DHRS3: variants seen among roughly 807,000 people sequenced by gnomAD.
DHRS3 encodes the protein short-chain dehydrogenase/reductase 3.
Under a neutral mutation model 27.2 loss-of-function variants are expected in DHRS3, and 14 were observed. The observed-to-expected ratio is 0.52, with a 90% CI of 0.34 to 0.81. The LOEUF (loss-of-function observed/expected upper bound fraction) is 0.81, where lower values mean the gene tolerates loss of function less well. Ranked by LOEUF, DHRS3 falls within the 30% of genes least tolerant of loss-of-function variation. The pLI, the probability that DHRS3 is intolerant of heterozygous loss-of-function variation, is 0.01. For synonymous variants in DHRS3, 165 were observed against 175.9 expected, an observed-to-expected ratio of 0.94 and a Z score of 0.49; for missense variants, 322 against 406.2, an observed-to-expected ratio of 0.79 and a Z score of 1.78.
At chr1:12,603,918 C>T (rs927234388) in intron 1 of DHRS3, among the ~76,000 whole-genome samples, 1 of 152,194 alleles carries the variant, frequency 6.6e-6, no homozygotes, top group Non-Finnish European at 1.5e-5. Flanking sequence ...GATACCAGGG[C>T]GTTCCCTGCC....
chr1:12,572,986 A>C (rs1401680953), intron 4 of DHRS3, 133 bp from the exon 5 acceptor site: 2 of 1,138,892 alleles, frequency 1.8e-6, no homozygotes, highest in South Asian at 1.7e-5. Flanking sequence ...TGCTTGGAAT[A>C]CTCCCTCTAC....
intron 4 of DHRS3, among the ~76,000 whole-genome samples, chr1:12,576,541 G>A (rs1646590426): frequency 1.3e-5 from 2 of 150,552 alleles, no homozygotes; most frequent in African/African-American, 2.4e-5. Flanking sequence ...CAGCCTGGGC[G>A]ACAGAGCAAG....
rs779771705 is a variant in DHRS3 at position 12,591,432 on chromosome 1, T to C, written c.196-10766A>G. Among the ~76,000 whole-genome samples, 9 of 152,158 alleles carry C rather than the reference T, an allele frequency of 5.9e-5. No individual in the cohort carries two copies. Among genetic ancestry groups the C allele is most frequent in the African/African-American group, 1.2e-4 (5 of 41,438 alleles). On this transcript the variant is annotated intron_variant, in intron 1 of 5. Coordinates refer to ENST00000616661, the MANE Select transcript of DHRS3 (RefSeq NM_004753.7). This position sits in a 1 kb window ranked among gnomAD's most constrained non-coding sequence, Gnocchi z 4.1. ...CCGCTGGCTCAGCTGTTGGGGAGGA[T>C]TGTGATGAAGCTCCTCAAATTAGAT... is the stretch of plus-strand genomic sequence containing the variant.
chr1:12,571,286 A>G (rs1007921458), intron 5 of DHRS3, among the ~76,000 whole-genome samples: 2 of 152,130 alleles, frequency 1.3e-5, no homozygotes, highest in Non-Finnish European at 2.9e-5. Context: ...CTGGAGGAGG[A>G]GTCTCTCATT....
In DHRS3 at chr1:12,594,460, C is replaced by T. The variant is rs1454381382; in HGVS notation, c.196-13794G>A. Among the ~76,000 whole-genome samples, 1 of 152,162 alleles carries T rather than the reference C, an allele frequency of 6.6e-6. No individual in the cohort carries two copies. The highest frequency in any genetic ancestry group is 1.5e-5 in the Non-Finnish European group (1 of 68,048). On this transcript the variant is annotated intron_variant, in intron 1 of 5. Coordinates refer to ENST00000616661, the MANE Select transcript of DHRS3 (RefSeq NM_004753.7). The surrounding 1 kb of genome is among the most constrained non-coding windows in gnomAD (Gnocchi z 4.1). ...ACTGTATAGTAAGTAGTTTTCTAGCCACTAGAAAGTGCTAGATGTGCATGG... is the reference window on the plus strand; with the variant it reads ...ACTGTATAGTAAGTAGTTTTCTAGCTACTAGAAAGTGCTAGATGTGCATGG...
Position 12,593,392 on chromosome 1 carries a change from G to A in DHRS3, c.196-12726C>T, listed in dbSNP as rs149028962. ...TATGATTATTATTATTTGTAGAGAC[G>A]GGGGTATCACATTGTTGCCCAGGCT... On this transcript the variant is annotated intron_variant, in intron 1 of 5. Transcript: ENST00000616661. The surrounding 1 kb of genome is among the most constrained non-coding windows in gnomAD (Gnocchi z 4.6). Among the ~76,000 whole-genome samples the A allele has an allele frequency of 6.7e-3, 1,018 of 151,960 alleles. 7 individuals carry two copies. The highest frequency in any genetic ancestry group is 7.7e-3 in the Non-Finnish European group (525 of 67,968).
intron 1 of DHRS3, chr1:12,600,372 C>T (rs1050206816): frequency 3.2e-5 from 32 of 985,300 alleles, no homozygotes; most frequent in Non-Finnish European, 7.2e-6. Flanking sequence ...TTGTGTCTTG[C>T]CATCCCTTAA....
chr1:12,603,181 T>C (rs78819708), intron 1 of DHRS3, among the ~76,000 whole-genome samples: 1,974 of 152,188 alleles, frequency 0.013, 44 homozygotes, highest in African/African-American at 0.045. Context: ...TGGGTCCCTC[T>C]CCTGAGGGGC....
chr1:12,592,987 C>T lies in DHRS3; in HGVS notation c.196-12321G>A, dbSNP rs1387952337. 2.0e-5 allele frequency among the ~76,000 whole-genome samples: 3 copies of T among 152,212 alleles called. No individual in the cohort carries two copies. The highest frequency in any genetic ancestry group is 7.2e-5 in the African/African-American group (3 of 41,448). On this transcript the variant is annotated intron_variant, in intron 1 of 5. Coordinates refer to ENST00000616661, the MANE Select transcript of DHRS3 (RefSeq NM_004753.7). This position sits in a 1 kb window ranked among gnomAD's most constrained non-coding sequence, Gnocchi z 4.2. Reference sequence around the variant, plus strand: ...ACGGCGCCTTGGGGCCCTGCCTCAGCGCCCTTCACCTGGAGCACAAGTGGA... The same window carrying T: ...ACGGCGCCTTGGGGCCCTGCCTCAGTGCCCTTCACCTGGAGCACAAGTGGA...
intron 1 of DHRS3, among the ~76,000 whole-genome samples, chr1:12,590,769 G>T (rs1190743735): frequency 6.6e-6 from 1 of 152,190 alleles, no homozygotes. Context: ...CACCCATTGA[G>T]AGTGCTGGCC....
At chr1:12,596,337 G>GC (rs1455662435) in intron 1 of DHRS3, 2 of 152,234 alleles carry the variant, frequency 1.3e-5, no homozygotes, top group Non-Finnish European at 2.9e-5. Flanking sequence ...CGAGGGCTGG[G>GC]CCTCCGGGGT....
chr1:12,572,717 C>A lies in DHRS3; in HGVS notation c.824+11G>T. ...TCCCCTGACCCAGAGTGTTCTTTCC[C>A]AGCCCCATACCTTTTCAAGATAACG... On this transcript the variant is annotated intron_variant, in intron 5 of 5. Transcript: ENST00000616661. 6.3e-7 allele frequency: 1 copy of A among 1,582,438 alleles called. No homozygotes were observed. The highest frequency in any genetic ancestry group is 8.6e-7 in the Non-Finnish European group (1 of 1,163,554).
chr1:12,571,657 G>C (rs1168613135), intron 5 of DHRS3, among the ~76,000 whole-genome samples: 5 of 150,772 alleles, frequency 3.3e-5, no homozygotes, highest in Non-Finnish European at 7.4e-5. Context: ...CAGCCTCCCA[G>C]GTAGCTGGGA....
rs1459753247 is a variant in DHRS3, at chr1:12,591,057, C to T, written c.196-10391G>A. ...TCAAGGCTGTTTCTAGGGGAGGAGA[C>T]AGACATAGAGCTTCGGGTTTTCCAG... On this transcript the variant is annotated intron_variant, in intron 1 of 5. Coordinates refer to ENST00000616661, the MANE Select transcript of DHRS3 (RefSeq NM_004753.7). The surrounding 1 kb of genome is among the most constrained non-coding windows in gnomAD (Gnocchi z 4.1). 6.6e-6 allele frequency among the ~76,000 whole-genome samples: 1 copy of T among 152,214 alleles called. No homozygotes were observed. Among genetic ancestry groups the T allele is most frequent in the East Asian group, 1.9e-4 (1 of 5,196 alleles).
rs1454147388 is a variant in DHRS3, at chr1:12,591,660, C to T, written c.196-10994G>A. On this transcript the variant is annotated intron_variant, in intron 1 of 5. Coordinates refer to ENST00000616661, the MANE Select transcript of DHRS3 (RefSeq NM_004753.7). This position sits in a 1 kb window ranked among gnomAD's most constrained non-coding sequence, Gnocchi z 4.1. Reference sequence around the variant, plus strand: ...TGGGGCGTCTAGTCCTCTGTCAGCTCAGAAGGGCTCATACCCGAGAAAACT... The same window carrying T: ...TGGGGCGTCTAGTCCTCTGTCAGCTTAGAAGGGCTCATACCCGAGAAAACT... 6.6e-6 allele frequency among the ~76,000 whole-genome samples: 1 copy of T among 152,256 alleles called. No homozygotes were observed. Among genetic ancestry groups the T allele is most frequent in the Non-Finnish European group, 1.5e-5 (1 of 68,048 alleles).
intron 4 of DHRS3, among the ~76,000 whole-genome samples, chr1:12,575,108 C>T (rs1213114870): frequency 6.6e-6 from 1 of 152,104 alleles, no homozygotes. Context: ...AGGTGGATCA[C>T]TTGAGGCCAG....
In DHRS3 at chr1:12,574,256, G is replaced by A. The variant is rs1440730238; in HGVS notation, c.699-1403C>T. Among the ~76,000 whole-genome samples, 1 of 152,018 alleles carries A rather than the reference G, an allele frequency of 6.6e-6. No homozygotes were observed. The highest frequency in any genetic ancestry group is 1.5e-5 in the Non-Finnish European group (1 of 68,004). On this transcript the variant is annotated intron_variant, in intron 4 of 5. Transcript: ENST00000616661. This position sits in a 1 kb window ranked among gnomAD's most constrained non-coding sequence, Gnocchi z 4.6. The stretch of plus-strand genomic sequence containing the variant: ...CGTGATCACAGCTCACTGCAGCCTC[G>A]ACCTCCCTGGGCTCAAGTAATCCTC...
rs189882652 is a variant in DHRS3, at chr1:12,615,232, G to A, written c.195+1922C>T. ...CTCCAGTAATTGGTCAGATAATGGC[G>A]AGTTACAGGGAGCACTGCTGGTCAT... On this transcript the variant is annotated intron_variant, in intron 1 of 5. Transcript: ENST00000616661. Among the ~76,000 whole-genome samples, 457 of 152,146 alleles carry A rather than the reference G, an allele frequency of 3.0e-3. 9 individuals carry two copies. The highest frequency in any genetic ancestry group is 1.2e-3 in the East Asian group (6 of 5,174).
chr1:12,568,457 G>C, intron 5 of DHRS3, 33 bp from the exon 6 acceptor site: 1 of 1,602,838 alleles, frequency 6.2e-7, no homozygotes, highest in South Asian at 1.1e-5. Flanking sequence ...AGATAGCGAT[G>C]GTTAGTGGGG....
Sources: allele counts gnomAD v4.1 joint callset (sites outside exome capture counted in the v4.1 genomes callset), GRCh38; gene constraint gnomAD v4.1.1; non-coding constraint Gnocchi (gnomAD v3.1); transcripts MANE v1.5; gene names NCBI Gene and HGNC (gene_info 2026-07-23, HGNC 2026-07-21).